Variants in HNRNPL observed in about 807,000 individuals in gnomAD.
The protein encoded by HNRNPL is epididymis secretory sperm binding protein.
HNRNPL carries 12 observed loss-of-function variants against 64.0 expected under a neutral mutation model. That is an observed-to-expected ratio of 0.19 (90% CI 0.12 to 0.30). The LOEUF is 0.30. HNRNPL is among the 10% of genes least tolerant of loss of function. The pLI, the probability that HNRNPL is intolerant of heterozygous loss-of-function variation, is 1.00. For synonymous variants in HNRNPL, 385 were observed against 313.0 expected (o/e 1.23, Z -2.43); for missense variants, 484 against 797.4 (o/e 0.61, Z 4.73).
At chr19:38,846,610 G>A (rs1310205787) in intron 2 of HNRNPL, among the ~76,000 whole-genome samples, 7 of 152,036 alleles carry the variant, frequency 4.6e-5, no homozygotes, top group Admixed American at 6.6e-5. Flanking sequence ...CACCTCTACA[G>A]AACAATATAA....
chr19:38,846,319 C>CT (rs1428078662), intron 2 of HNRNPL, among the ~76,000 whole-genome samples: 2 of 152,214 alleles, frequency 1.3e-5, no homozygotes, highest in Non-Finnish European at 2.9e-5. Flanking sequence ...CCTCACCAGA[C>CT]TGTCAGATGC....
chr19:38,838,254 G>T, intron 10 of HNRNPL, 143 bp downstream of exon 10: 1 of 645,814 alleles, frequency 1.5e-6, no homozygotes, highest in Non-Finnish European at 2.7e-6. Flanking sequence ...ATCTGTCCTG[G>T]CCTCTGCTGT....
At chr19:38,848,934 T>C (rs1972398587) in intron 1 of HNRNPL, among the ~76,000 whole-genome samples, 1 of 152,152 alleles carries the variant, frequency 6.6e-6, no homozygotes, top group Non-Finnish European at 1.5e-5. Flanking sequence ...TTCAAGATTT[T>C]GGAAAGAGTG....
At position 38,849,844 on chromosome 19, in the gene HNRNPL, T is replaced by TCCGCCGC; in HGVS notation, c.116_122dup (p.Gly42ArgfsTer14). 2 of 1,215,818 alleles carry TCCGCCGC rather than the reference T, an allele frequency of 1.6e-6. No homozygotes were observed. Among genetic ancestry groups the TCCGCCGC allele is most frequent in the Non-Finnish European group, 1.2e-6 (1 of 868,718 alleles). 75.3% of individuals were successfully genotyped at this position (1,215,818 alleles called of 1,614,324 possible). A position where few individuals can be genotyped will look rare whatever the true frequency, so the allele number is the denominator to read the frequency against. ...CGCCGTAGTAGCGGCCACCGCCGCC[T>TCCGCCGC]CCGCCGCCCGCCGCCGCCATCTTCA... On this transcript the variant is annotated frameshift_variant, in exon 1 of 13. Coordinates refer to ENST00000221419, the MANE Select transcript of HNRNPL (RefSeq NM_001533.3). LOFTEE classifies it high-confidence loss of function.
upstream of HNRNPL, chr19:38,850,376 G>A (rs573412169): frequency 2.0e-4 from 36 of 179,128 alleles, no homozygotes; most frequent in African/African-American, 8.5e-4. Context: ...ACCTTCCCGC[G>A]CCACTTCGCA....
upstream of HNRNPL, chr19:38,851,259 C>G (rs934459413): frequency 6.6e-6 from 1 of 152,286 alleles, no homozygotes; most frequent in Non-Finnish European, 1.5e-5. Context: ...CGCACTGCAC[C>G]AAGAGAATGT....
At chr19:38,850,022 A>C (rs931806640), upstream of HNRNPL, 1 of 1,288,492 alleles carries the variant, frequency 7.8e-7, no homozygotes, top group Non-Finnish European at 1.0e-6. Context: ...CACGCCCGTC[A>C]CCCGCCGCCC....
chr19:38,839,091 A>T, intron 8 of HNRNPL, 76 bp from the exon 9 acceptor site: 1 of 1,577,530 alleles, frequency 6.3e-7, no homozygotes, highest in Non-Finnish European at 8.7e-7. Context: ...CAAGTTAGTG[A>T]TAATAACCCC....
intron 6 of HNRNPL, chr19:38,841,535 G>A: frequency 1.6e-6 from 1 of 633,730 alleles, no homozygotes; most frequent in Non-Finnish European, 2.6e-6. Context: ...ATTACAAAAT[G>A]GAAAAGGACT....
At chr19:38,839,546 G>C (rs1387773872) in intron 8 of HNRNPL, 1 of 171,164 alleles carries the variant, frequency 5.8e-6, no homozygotes, top group Non-Finnish European at 1.3e-5. Context: ...GTCACTACAT[G>C]TAAAGCATCT....
At chr19:38,840,978 G>A (rs1307629141) in intron 6 of HNRNPL, 1 of 200,126 alleles carries the variant, frequency 5.0e-6, no homozygotes, top group Non-Finnish European at 1.0e-5. Context: ...ACCCCAGAGG[G>A]AAGCAAGCAA....
intron 1 of HNRNPL, 93 bp downstream of exon 1, chr19:38,849,607 C>G: frequency 7.8e-7 from 1 of 1,282,868 alleles, no homozygotes; most frequent in Non-Finnish European, 9.8e-7. Context: ...TGGGCGCGTG[C>G]GCAGAGGCCC....
upstream of HNRNPL, chr19:38,850,467 T>C (rs1972473277): frequency 6.5e-6 from 1 of 154,830 alleles, no homozygotes; most frequent in African/African-American, 2.4e-5. Flanking sequence ...TCTCCACTGA[T>C]TGGTCAATGG....
At chr19:38,852,031 GGA>G (rs1334409751), upstream of HNRNPL, among the ~76,000 whole-genome samples, 5 of 151,564 alleles carry the variant, frequency 3.3e-5, no homozygotes, top group African/African-American at 2.4e-5. Flanking sequence ...GGGGGGAGGG[GGA>G]GAGAGAGGGC....
intron 12 of HNRNPL, chr19:38,837,156 C>A: frequency 3.4e-6 from 2 of 586,342 alleles, no homozygotes; most frequent in Non-Finnish European, 6.1e-6. Context: ...GGAGGACAAG[C>A]CTGAGCAACT....
In HNRNPL at chr19:38,849,784, G is replaced by C. The variant is rs757395425; in HGVS notation, c.183C>G (p.Leu61=). 14 of 1,418,648 alleles carry C rather than the reference G, an allele frequency of 9.9e-6. No homozygotes were observed. The highest frequency in any genetic ancestry group is 2.9e-5 in the East Asian group (1 of 34,896). 87.9% of individuals were successfully genotyped at this position (1,418,648 alleles called of 1,614,324 possible). A position where few individuals can be genotyped will look rare whatever the true frequency, so the allele number is the denominator to read the frequency against. Residue 61 remains leucine, a synonymous_variant, in exon 1 of 13, where the codon CTC becomes CTG. Transcript: ENST00000221419. ...GSEGGRAPKR[L]KTDNAGDQHG... The stretch of plus-strand genomic sequence containing the variant: ...GCTGGTCGCCGGCGTTGTCAGTCTT[G>C]AGCCGCTTAGGGGCCCGGCCGCCCT...
In HNRNPL at chr19:38,840,473, A is replaced by T; in HGVS notation, c.952+15T>A. ...GAGCCACGGGAGTCCACGGAGGGGA[A>T]CCCCCTGCCCTCACCATATTCTGCG... On this transcript the variant is annotated intron_variant, in intron 7 of 12. Coordinates refer to ENST00000221419, the MANE Select transcript of HNRNPL (RefSeq NM_001533.3). The T allele has an allele frequency of 6.3e-7, 1 of 1,580,356 alleles. No individual in the cohort carries two copies. The highest frequency in any genetic ancestry group is 8.6e-7 in the Non-Finnish European group (1 of 1,165,870).
upstream of HNRNPL, chr19:38,850,069 G>C: frequency 2.1e-6 from 2 of 945,578 alleles, no homozygotes; most frequent in Non-Finnish European, 2.9e-6. Flanking sequence ...CCGCCGCGGG[G>C]GGAGGGTAGG....
chr19:38,837,353 GT>G (rs1177519474), intron 12 of HNRNPL, 30 bp downstream of exon 12: 1 of 1,566,748 alleles, frequency 6.4e-7, no homozygotes, highest in East Asian at 2.2e-5. Flanking sequence ...AGGTCACCAG[GT>G]TGATGCCTGC....
Sources: gnomAD v4.1 joint callset for allele counts (sites outside exome capture counted in the v4.1 genomes callset) on GRCh38, gnomAD v4.1.1 for gene constraint, MANE v1.5 for transcripts, NCBI Gene and HGNC (gene_info 2026-07-23, HGNC 2026-07-21) for gene names.